The following ADGRD1 variants were observed in gnomAD, a reference collection of about 807,000 sequenced individuals.
The protein encoded by ADGRD1 is adhesion G protein-coupled receptor D1.
In ADGRD1, 77 loss-of-function variants were observed where a neutral mutation model predicts 113.4. The ratio of observed to expected loss-of-function variants is 0.68; its 90% CI spans 0.57 to 0.82. ADGRD1 has a LOEUF of 0.82. Among genes scored for constraint, ADGRD1 ranks in the 40% least tolerant of loss-of-function variants. The pLI is 0.00. For synonymous variants in ADGRD1, 474 were observed against 475.0 expected (o/e 1.00, Z 0.03); for missense variants, 1,036 against 1,139.1 (o/e 0.91, Z 1.30).
At chr12:131,046,483 T>C (rs1347362758) in intron 13 of ADGRD1, among the ~76,000 whole-genome samples, 1 of 138,814 alleles carries the variant, frequency 7.2e-6, no homozygotes, top group African/African-American at 2.8e-5. Flanking sequence ...GCTCCCTCCC[T>C]GGTCAGTGTC....
intron 3 of ADGRD1, chr12:130,968,983 G>A (rs889595123): frequency 1.0e-4 from 153 of 1,531,908 alleles, no homozygotes; most frequent in African/African-American, 1.4e-4. Context: ...CCAGCGTCCC[G>A]AACCCACAAG....
rs1396342433 is a variant in ADGRD1, at chr12:130,996,729, G to A, written c.967-3654G>A. Among the ~76,000 whole-genome samples the A allele has an allele frequency of 2.1e-5, 2 of 93,104 alleles. 1 individual carries two copies. The highest frequency in any genetic ancestry group is 4.7e-5 in the Non-Finnish European group (2 of 42,660). 61.1% of individuals were successfully genotyped at this position (93,104 alleles called of 152,430 possible). The stretch of plus-strand genomic sequence containing the variant: ...GGGCTGACCCCCCCACCACCCTCCC[G>A]GACGGGGTGGCTGGCCGGGCAGAGG... On this transcript the variant is annotated intron_variant, in intron 8 of 24. Coordinates refer to ENST00000261654, the MANE Select transcript of ADGRD1 (RefSeq NM_198827.5).
intron 21 of ADGRD1, among the ~76,000 whole-genome samples, chr12:131,132,890 C>T (rs912365692): frequency 8.5e-5 from 13 of 152,196 alleles, no homozygotes; most frequent in Admixed American, 3.3e-4. Flanking sequence ...TCAGCCACCG[C>T]GTATCTGTTC....
chr12:131,105,280 A>G (rs547028816), intron 16 of ADGRD1, among the ~76,000 whole-genome samples: 1 of 152,360 alleles, frequency 6.6e-6, no homozygotes, highest in South Asian at 2.1e-4. Flanking sequence ...AACCAAGTAA[A>G]CAAAAGCGAG....
chr12:130,977,216 T>C lies in ADGRD1; in HGVS notation c.311-4668T>C, dbSNP rs553269110. 2.6e-5 allele frequency: 4 copies of C among 152,364 alleles called. No individual in the cohort carries two copies. In the South Asian group the frequency reaches 8.3e-4, roughly 32 times the overall value. 9.4% of individuals were successfully genotyped at this position (152,364 alleles called of 1,614,324 possible). On this transcript the variant is annotated intron_variant, in intron 4 of 24. Coordinates refer to ENST00000261654, the MANE Select transcript of ADGRD1 (RefSeq NM_198827.5). ...AGCCTGCAGGACTCTCTGCTGTCTGTCGCTGTGACTGAAGGTGGTGGCCAT... is the reference window on the plus strand; with the variant it reads ...AGCCTGCAGGACTCTCTGCTGTCTGCCGCTGTGACTGAAGGTGGTGGCCAT...
chr12:131,130,091 C>T (rs1950874528), intron 20 of ADGRD1, among the ~76,000 whole-genome samples: 1 of 152,248 alleles, frequency 6.6e-6, no homozygotes, highest in African/African-American at 2.4e-5. Flanking sequence ...GCTTGCTGCT[C>T]CTAGTTGAGT....
chr12:131,100,215 G>A (rs572080351), intron 15 of ADGRD1, among the ~76,000 whole-genome samples: 9 of 152,194 alleles, frequency 5.9e-5, no homozygotes, highest in Non-Finnish European at 8.8e-5. Context: ...TTGATGATGC[G>A]TCAGTTGATG....
intron 13 of ADGRD1, among the ~76,000 whole-genome samples, chr12:131,039,690 G>A (rs1881916915): frequency 6.6e-6 from 1 of 152,212 alleles, no homozygotes; most frequent in Admixed American, 6.5e-5. Flanking sequence ...GCCTTGGCTG[G>A]GGTGGCACTC....
chr12:131,023,739 A>C (rs1053814776), intron 13 of ADGRD1: 2 of 152,146 alleles, frequency 1.3e-5, no homozygotes, highest in Non-Finnish European at 2.9e-5. Flanking sequence ...TATTTTGTAT[A>C]AATAACTTGT....
chr12:131,046,136 C>G (rs1249574948), intron 13 of ADGRD1, among the ~76,000 whole-genome samples: 1 of 137,116 alleles, frequency 7.3e-6, no homozygotes, highest in African/African-American at 2.7e-5. Flanking sequence ...GTCAGTGCTC[C>G]CTCTCTGCTC....
chr12:131,074,694 CCCAGTCAGTGGGGAA>C (rs1381505351), intron 13 of ADGRD1, among the ~76,000 whole-genome samples: 2 of 152,178 alleles, frequency 1.3e-5, no homozygotes, highest in East Asian at 3.8e-4. Flanking sequence ...AGCATTTGTT[CCCAGTCAGTGGGGAA>C]CTCCACACAC....
In ADGRD1 at chr12:131,050,754, G is replaced by A. The variant is rs1328700254; in HGVS notation, c.1474-26047G>A. On this transcript the variant is annotated intron_variant, in intron 13 of 24. Transcript: ENST00000261654. The surrounding 1 kb of genome is among the most constrained non-coding windows in gnomAD (Gnocchi z 4.8). ...GGAAGACAATTTTTGCACGGATGGG[G>A]TGGGGGATGGATTCGGGATGAAACT... Among the ~76,000 whole-genome samples, 2 of 152,172 alleles carry A rather than the reference G, an allele frequency of 1.3e-5. No individual in the cohort carries two copies. Among genetic ancestry groups the A allele is most frequent in the African/African-American group, 4.8e-5 (2 of 41,430 alleles).
intron 13 of ADGRD1, among the ~76,000 whole-genome samples, chr12:131,040,715 A>T (rs951533218): frequency 6.6e-6 from 1 of 152,174 alleles, no homozygotes; most frequent in African/African-American, 2.4e-5. Context: ...GGATAGAACA[A>T]CCTTGTGTGT....
At chr12:131,112,301 A>G (rs924049888) in intron 18 of ADGRD1, among the ~76,000 whole-genome samples, 1 of 152,088 alleles carries the variant, frequency 6.6e-6, no homozygotes, top group Non-Finnish European at 1.5e-5. Flanking sequence ...TTTGTATGAC[A>G]CCATCTGTTA....
At chr12:131,018,210 C>T (rs1374903991) in intron 13 of ADGRD1, among the ~76,000 whole-genome samples, 1 of 152,196 alleles carries the variant, frequency 6.6e-6, no homozygotes, top group African/African-American at 2.4e-5. Context: ...CCCTCCTCTC[C>T]CACTCCTCCA....
intron 12 of ADGRD1, among the ~76,000 whole-genome samples, chr12:131,008,305 C>T (rs377558747): frequency 2.0e-5 from 3 of 152,232 alleles, no homozygotes; most frequent in African/African-American, 4.8e-5. Context: ...CGTTTATGTG[C>T]GCACATATGC....
intron 6 of ADGRD1, 149 bp downstream of exon 6, chr12:130,987,498 T>G: frequency 1.3e-6 from 1 of 758,788 alleles, no homozygotes; most frequent in South Asian, 1.8e-5. Context: ...CACAGTTGTG[T>G]GTTAGAACAC....
intron 5 of ADGRD1, among the ~76,000 whole-genome samples, chr12:130,982,333 C>T (rs1041984020): frequency 1.3e-5 from 2 of 152,234 alleles, no homozygotes; most frequent in South Asian, 4.1e-4. Flanking sequence ...CCACACTGAC[C>T]TCAGTGATCA....
intron 20 of ADGRD1, among the ~76,000 whole-genome samples, chr12:131,127,725 G>A (rs1324673977): frequency 6.9e-6 from 1 of 144,258 alleles, no homozygotes; most frequent in Non-Finnish European, 1.5e-5. Context: ...GCTCAGGTGG[G>A]GTGTTGGTTG....
Sources: allele counts gnomAD v4.1 joint callset (sites outside exome capture counted in the v4.1 genomes callset), GRCh38; gene constraint gnomAD v4.1.1; non-coding constraint Gnocchi (gnomAD v3.1); transcripts MANE v1.5; gene names NCBI Gene and HGNC (gene_info 2026-07-23, HGNC 2026-07-21).